RPH3A: variants seen among roughly 807,000 people sequenced by gnomAD.
RPH3A encodes the protein rabphilin-3A.
In RPH3A, 48 loss-of-function variants were observed where a neutral mutation model predicts 102.2. That is an observed-to-expected ratio of 0.47 (90% CI 0.37 to 0.60). The LOEUF is 0.60. RPH3A is among the 20% of genes least tolerant of loss of function. The pLI is 0.00. For missense variants in RPH3A, 781 were observed against 910.1 expected (o/e 0.86, Z 1.83); for synonymous variants, 310 against 324.3 (o/e 0.96, Z 0.47).
chr12:112,885,595 AT>A (rs894312937), intron 16 of RPH3A, among the ~76,000 whole-genome samples: 3 of 152,140 alleles, frequency 2.0e-5, no homozygotes, highest in African/African-American at 7.2e-5. Flanking sequence ...TATATTTCTA[AT>A]TTTTTGAGGG....
At chr12:112,697,757 C>T (rs2040362485) in intron 1 of RPH3A, among the ~76,000 whole-genome samples, 3 of 151,962 alleles carry the variant, frequency 2.0e-5, no homozygotes, top group Admixed American at 1.3e-4. Flanking sequence ...CCTGGCTACT[C>T]GGGAGGCTGA....
chr12:112,732,554 T>A (rs773241181), intron 1 of RPH3A, among the ~76,000 whole-genome samples: 3 of 152,096 alleles, frequency 2.0e-5, no homozygotes, highest in Non-Finnish European at 4.4e-5. Flanking sequence ...ACGTGCAGGA[T>A]GTTTAATAAA....
At chr12:112,659,268 T>C (rs980607300) in intron 1 of RPH3A, among the ~76,000 whole-genome samples, 1 of 152,208 alleles carries the variant, frequency 6.6e-6, no homozygotes, top group Admixed American at 6.5e-5. Context: ...AGTGAAAGGA[T>C]CTCACCTAGA....
intron 1 of RPH3A, among the ~76,000 whole-genome samples, chr12:112,621,277 T>A (rs1379821741): frequency 6.6e-6 from 1 of 151,572 alleles, no homozygotes. Context: ...GGGTGATTTC[T>A]GCATTTCCAT....
chr12:112,646,216 A>G (rs2039928934), intron 1 of RPH3A, among the ~76,000 whole-genome samples: 1 of 152,210 alleles, frequency 6.6e-6, no homozygotes, highest in African/African-American at 2.4e-5. Flanking sequence ...AAAATTTATT[A>G]TCATAGGTAA....
chr12:112,888,028 G>C (rs2043033979), intron 17 of RPH3A, 105 bp downstream of exon 17: 1 of 1,304,952 alleles, frequency 7.7e-7, no homozygotes, highest in East Asian at 2.4e-5. Flanking sequence ...GTATTGGGTA[G>C]CAGAGGCACT....
rs1364902507 is a variant in RPH3A, at chr12:112,898,617, C to T, written c.*1837C>T. 1 of 152,304 alleles carries T rather than the reference C, an allele frequency of 6.6e-6. No individual in the cohort carries two copies. The highest frequency in any genetic ancestry group is 1.5e-5 in the Non-Finnish European group (1 of 68,110). The allele number at this position is 152,304 out of a possible 1,614,324, so 9.4% of individuals were successfully genotyped here. A position where few individuals can be genotyped will look rare whatever the true frequency, so the allele number is the denominator to read the frequency against. On this transcript the variant is annotated 3_prime_UTR_variant, in exon 22 of 22. Transcript: ENST00000389385. ...CTTTCCCCATTAGTCCCTGGTGGCACCTACTCTCAGCCCACCTCCCTCACC... is the reference window on the plus strand; with the variant it reads ...CTTTCCCCATTAGTCCCTGGTGGCATCTACTCTCAGCCCACCTCCCTCACC...
chr12:112,744,129 G>A (rs1385898302), intron 1 of RPH3A, among the ~76,000 whole-genome samples: 3 of 152,032 alleles, frequency 2.0e-5, no homozygotes, highest in Non-Finnish European at 4.4e-5. Flanking sequence ...AGGCTGGATT[G>A]CAGTGGTGCG....
chr12:112,740,287 A>C (rs2040699941), intron 1 of RPH3A, among the ~76,000 whole-genome samples: 1 of 152,134 alleles, frequency 6.6e-6, no homozygotes, highest in Non-Finnish European at 1.5e-5. Context: ...CAGCTTGGAG[A>C]CCTTAGGCAT....
At chr12:112,792,897 G>T (rs1045051153) in intron 2 of RPH3A, among the ~76,000 whole-genome samples, 5 of 152,206 alleles carry the variant, frequency 3.3e-5, no homozygotes, top group African/African-American at 1.2e-4. Context: ...CCAGAAGGGA[G>T]CAGCCACTGC....
chr12:112,868,832 C>T, intron 8 of RPH3A: 1 of 451,372 alleles, frequency 2.2e-6, no homozygotes, highest in Non-Finnish European at 3.9e-6. Context: ...ATTGTCATCC[C>T]TGGTGGCATA....
At chr12:112,699,475 G>A (rs576013881) in intron 1 of RPH3A, among the ~76,000 whole-genome samples, 74 of 152,162 alleles carry the variant, frequency 4.9e-4, no homozygotes, top group Non-Finnish European at 7.5e-4. Context: ...ACTGATGCAC[G>A]TGACCACATG....
intron 1 of RPH3A, among the ~76,000 whole-genome samples, chr12:112,774,464 G>A (rs147156125): frequency 3.3e-5 from 5 of 152,312 alleles, no homozygotes; most frequent in East Asian, 1.9e-4. Flanking sequence ...GGGTTCACCC[G>A]CTGGAGCTTC....
At chr12:112,612,208 C>T (rs540683344) in intron 1 of RPH3A, among the ~76,000 whole-genome samples, 67 of 152,304 alleles carry the variant, frequency 4.4e-4, no homozygotes, top group African/African-American at 1.6e-3. Context: ...CTCCAGGAGG[C>T]CTTTAATTAG....
intron 1 of RPH3A, among the ~76,000 whole-genome samples, chr12:112,714,822 G>C (rs1419133294): frequency 6.6e-6 from 1 of 152,200 alleles, no homozygotes; most frequent in Admixed American, 6.5e-5. Flanking sequence ...GGAAAGGCTA[G>C]TAATGGAATG....
At chr12:112,820,698 G>A (rs1320736704) in intron 2 of RPH3A, among the ~76,000 whole-genome samples, 3 of 152,194 alleles carry the variant, frequency 2.0e-5, no homozygotes, top group Admixed American at 1.3e-4. Flanking sequence ...CAGACATTAT[G>A]TATCTGCCCA....
rs998578486 is a variant in RPH3A at position 112,685,172 on chromosome 12, G to C, written c.-139-106971G>C. On this transcript the variant is annotated intron_variant, in intron 1 of 21. Transcript: ENST00000543106. ...GGCTGGTCTCAAACTCCTGGGCTCA[G>C]GGGATCTTCCTACCTCAGCCTCCCC... 2.0e-5 allele frequency among the ~76,000 whole-genome samples: 3 copies of C among 152,104 alleles called. No individual in the cohort carries two copies. The East Asian group carries it at 5.8e-4, about 29-fold the overall frequency.
chr12:112,664,083 C>A (rs1428846666), intron 1 of RPH3A, among the ~76,000 whole-genome samples: 1 of 152,094 alleles, frequency 6.6e-6, no homozygotes, highest in Non-Finnish European at 1.5e-5. Context: ...AGTTTTTGAG[C>A]TGAGTCTTGA....
intron 1 of RPH3A, among the ~76,000 whole-genome samples, chr12:112,782,211 G>C (rs906072939): frequency 6.6e-6 from 1 of 152,250 alleles, no homozygotes; most frequent in Non-Finnish European, 1.5e-5. Flanking sequence ...TGTGAGCTAA[G>C]CCCCTGCTTG....
Sources: gnomAD v4.1 joint callset for allele counts (sites outside exome capture counted in the v4.1 genomes callset) on GRCh38, gnomAD v4.1.1 for gene constraint, MANE v1.5 for transcripts, NCBI Gene and HGNC (gene_info 2026-07-23, HGNC 2026-07-21) for gene names.